AFF1: variants seen among roughly 807,000 people sequenced by gnomAD.
AFF1 encodes the protein AF4/FMR2 family member 1.
Under a neutral mutation model 121.7 loss-of-function variants are expected in AFF1, and 48 were observed. The ratio of observed to expected loss-of-function variants is 0.39; its 90% CI spans 0.31 to 0.50. AFF1 has a LOEUF of 0.50. Among genes scored for constraint, AFF1 ranks in the 20% least tolerant of loss-of-function variants. The pLI is 0.76. For synonymous variants in AFF1, 613 were observed against 563.0 expected (o/e 1.09, Z -1.26); for missense variants, 1,523 against 1,511.7 (o/e 1.01, Z -0.12).
At chr4:86,961,934 A>C (rs1451624413) in intron 2 of AFF1, among the ~76,000 whole-genome samples, 2 of 152,190 alleles carry the variant, frequency 1.3e-5, no homozygotes, top group Admixed American at 1.3e-4. Context: ...TTGGTAAACG[A>C]GATATGAAAT....
chr4:86,939,647 A>AT (rs1383137306), intron 1 of AFF1, among the ~76,000 whole-genome samples: 1 of 152,212 alleles, frequency 6.6e-6, no homozygotes, highest in Non-Finnish European at 1.5e-5. Flanking sequence ...CAGTTCATAA[A>AT]TTTTTTAGAG....
At chr4:86,995,041 G>A (rs139086750) in intron 2 of AFF1, among the ~76,000 whole-genome samples, 1 of 152,112 alleles carries the variant, frequency 6.6e-6, no homozygotes, top group Admixed American at 6.5e-5. Flanking sequence ...AGGAGTTTGA[G>A]ATCAGCCTAG....
chr4:87,095,171 T>G (rs558285891), intron 8 of AFF1, among the ~76,000 whole-genome samples: 2 of 152,308 alleles, frequency 1.3e-5, no homozygotes, highest in Non-Finnish European at 2.9e-5. Context: ...CAGGTGGGAG[T>G]GCAGTGGCAT....
chr4:87,056,682 C>T (rs1397758559), intron 4 of AFF1, among the ~76,000 whole-genome samples: 1 of 151,930 alleles, frequency 6.6e-6, no homozygotes, highest in African/African-American at 2.4e-5. Flanking sequence ...ATTTGAACAC[C>T]CATTAGATAT....
rs1248029272 is a variant in AFF1 at position 87,084,123 on chromosome 4, A to C, written c.1063A>C (p.Thr355Pro). The part of the protein sequence containing the change: ...LKMPSQSVEQ[T>P]YSNEVHCVEE... ...ATTTTTTGCTTTTCACTTTCAGCAGACCTACTCCAATGAAGTCCATTGTGT... is the reference window on the plus strand; with the variant it reads ...ATTTTTTGCTTTTCACTTTCAGCAGCCCTACTCCAATGAAGTCCATTGTGT... The change falls in exon 5 of 21, where the codon ACC becomes CCC. Residue 355 changes from threonine (T) to proline (P), a missense_variant. Transcript: ENST00000395146. The C allele has an allele frequency of 6.2e-7, 1 of 1,613,886 alleles. No homozygotes were observed. The highest frequency in any genetic ancestry group is 2.2e-5 in the East Asian group (1 of 44,874).
rs1391526350 is a variant in AFF1 at position 87,140,212 on chromosome 4, T to C, written c.*4511T>C. ...CTGACCTAAGGAAGACAACTTGCTT[T>C]GCTTAAAAGTAGATTTTTTAAGCAA... On this transcript the variant is annotated 3_prime_UTR_variant, in exon 21 of 21. Transcript: ENST00000395146. 1 of 196,626 alleles carries C rather than the reference T, an allele frequency of 5.1e-6. No individual in the cohort carries two copies. Among genetic ancestry groups the C allele is most frequent in the East Asian group, 7.8e-5 (1 of 12,758 alleles). The allele number at this position is 196,626 out of a possible 1,614,324, so 12.2% of individuals were successfully genotyped here. A position where few individuals can be genotyped will look rare whatever the true frequency, so the allele number is the denominator to read the frequency against.
At chr4:86,960,000 T>C (rs976893670) in intron 2 of AFF1, among the ~76,000 whole-genome samples, 5 of 152,230 alleles carry the variant, frequency 3.3e-5, no homozygotes, top group East Asian at 1.9e-4. Context: ...GAAATCACAA[T>C]GGGCCCTGAC....
chr4:87,003,454 A>G (rs1386978924), intron 2 of AFF1, among the ~76,000 whole-genome samples: 1 of 152,072 alleles, frequency 6.6e-6, no homozygotes, highest in African/African-American at 2.4e-5. Context: ...AGGACTTGCT[A>G]TGTTGCCCAG....
chr4:86,995,704 C>A (rs1725101510), intron 2 of AFF1, among the ~76,000 whole-genome samples: 1 of 151,882 alleles, frequency 6.6e-6, no homozygotes, highest in Admixed American at 6.6e-5. Flanking sequence ...TCCCAAAGTG[C>A]CGAGATTGCA....
At chr4:86,990,374 C>A (rs550580535) in intron 2 of AFF1, among the ~76,000 whole-genome samples, 2 of 151,322 alleles carry the variant, frequency 1.3e-5, no homozygotes, top group Non-Finnish European at 2.9e-5. Flanking sequence ...AGCAAGATGC[C>A]TTCAGGAGGA....
At position 87,047,524 on chromosome 4, in the gene AFF1, A is replaced by C; in HGVS notation, c.989A>C (p.Glu330Ala). ...GAGGACTATCGACAGCAGACCTTTGAAAAAACAGACTTGAAAGTGCCTGCC... is the reference window on the plus strand; with the variant it reads ...GAGGACTATCGACAGCAGACCTTTGCAAAAACAGACTTGAAAGTGCCTGCC... ...LPEDYRQQTF[E>A]KTDLKVPAKA... Residue 330 changes from glutamate to alanine, a missense_variant, in exon 4 of 21, where the codon GAA becomes GCA. Glu to Ala is a moderately radical substitution (Grantham distance 107). This residue lies in a region of AFF1 where 905 missense variants were observed against 842.5 expected (regional missense o/e 1.07). Transcript: ENST00000395146. 1 of 1,614,202 alleles carries C rather than the reference A, an allele frequency of 6.2e-7. No individual in the cohort carries two copies. The highest frequency in any genetic ancestry group is 8.5e-7 in the Non-Finnish European group (1 of 1,180,044).
At chr4:87,063,228 C>CTTT (rs569577993) in intron 4 of AFF1, among the ~76,000 whole-genome samples, 6,279 of 44,194 alleles carry the variant, frequency 0.14, 2,046 homozygotes, top group Non-Finnish European at 0.19. Context: ...AGATTCACCT[C>CTTT]TTTTTTTTTT....
intron 12 of AFF1, among the ~76,000 whole-genome samples, chr4:87,119,473 T>C (rs1445978827): frequency 1.3e-5 from 2 of 151,452 alleles, no homozygotes; most frequent in Non-Finnish European, 2.9e-5. Flanking sequence ...CGGGAAGCTG[T>C]GGTGGGAGGA....
intron 12 of AFF1, among the ~76,000 whole-genome samples, chr4:87,115,607 C>CCCTTTT: frequency 1.5e-4 from 1 of 6,686 alleles, no homozygotes; most frequent in Non-Finnish European, 3.8e-4. Context: ...CCCAACCCAC[C>CCCTTTT]TCTTTTTTTT....
In AFF1 at chr4:87,115,379, A is replaced by G. The variant is rs1160429560; in HGVS notation, c.2466+80A>G. ...TGGCGGTATCTTTGATCGGCCTTTG[A>G]TTTAGGCCCAGTTGAGTTGTCTCAC... On this transcript the variant is annotated intron_variant, in intron 12 of 20. Coordinates refer to ENST00000395146, the MANE Select transcript of AFF1 (RefSeq NM_001166693.3). 3.3e-5 allele frequency: 45 copies of G among 1,346,434 alleles called. No homozygotes were observed. In the East Asian group the frequency reaches 1.1e-3, roughly 33 times the overall value. The allele number at this position is 1,346,434 out of a possible 1,614,324, so 83.4% of individuals were successfully genotyped here. A position where few individuals can be genotyped will look rare whatever the true frequency, so the allele number is the denominator to read the frequency against.
chr4:87,125,805 A>T (rs77972447), intron 13 of AFF1, among the ~76,000 whole-genome samples: 2 of 152,332 alleles, frequency 1.3e-5, no homozygotes, highest in Non-Finnish European at 2.9e-5. Flanking sequence ...TCTTCTTGTC[A>T]GGGAAAGGCA....
intron 20 of AFF1, 23 bp from the exon 21 acceptor site, chr4:87,135,554 TTTG>T: frequency 6.8e-7 from 1 of 1,469,042 alleles, no homozygotes; most frequent in Non-Finnish European, 9.0e-7. Flanking sequence ...TTTACTTGTT[TTTG>T]TTTTGTTTTG....
intron 8 of AFF1, among the ~76,000 whole-genome samples, chr4:87,097,745 A>ATT (rs1258299493): frequency 6.6e-6 from 1 of 152,140 alleles, no homozygotes; most frequent in African/African-American, 2.4e-5. Context: ...ACGTGGTGGT[A>ATT]TTGATAAGTG....
chr4:87,082,349 G>A (rs1026955179), intron 4 of AFF1, among the ~76,000 whole-genome samples: 21 of 152,076 alleles, frequency 1.4e-4, no homozygotes, highest in Non-Finnish European at 2.8e-4. Flanking sequence ...CAGTTTTTAG[G>A]TGTTTCTTAA....
Sources: allele counts gnomAD v4.1 joint callset (sites outside exome capture counted in the v4.1 genomes callset), GRCh38; gene constraint gnomAD v4.1.1; regional missense constraint gnomAD v4.1.1; transcripts MANE v1.5; gene names NCBI Gene and HGNC (gene_info 2026-07-23, HGNC 2026-07-21).